Variants in SSBP2 observed in about 807,000 individuals in gnomAD.
The protein encoded by SSBP2 is single stranded DNA binding protein 2, also known as single-stranded DNA-binding protein 2.
A neutral mutation model predicts 61.8 loss-of-function variants in SSBP2; 17 were observed. That is an observed-to-expected ratio of 0.28 (90% CI 0.19 to 0.41). SSBP2 has a LOEUF of 0.41. Among genes scored for constraint, SSBP2 ranks in the 10% least tolerant of loss-of-function variants. SSBP2 has a pLI of 1.00. For missense variants in SSBP2, 310 were observed against 458.7 expected, an observed-to-expected ratio of 0.68 and a Z score of 2.96; for synonymous variants, 139 against 141.3, an observed-to-expected ratio of 0.98 and a Z score of 0.12.
intron 1 of SSBP2, among the ~76,000 whole-genome samples, chr5:81,675,195 G>A (rs13359852): frequency 0.099 from 15,103 of 152,090 alleles, 1,902 homozygotes; most frequent in African/African-American, 0.3. Context: ...TGCAGAAACT[G>A]GAAGTTGCCT....
Position 81,481,631 on chromosome 5 carries a change from A to C in SSBP2, c.433-7069T>G, listed in dbSNP as rs1020946979. Reference sequence around the variant, plus strand: ...GTGAAACTACATCTAAAAAAAAAAAAAAACAAACTGAAAGTAAAATTACTC... The same window carrying C: ...GTGAAACTACATCTAAAAAAAAAAACAAACAAACTGAAAGTAAAATTACTC... On this transcript the variant is annotated intron_variant, in intron 6 of 16. Coordinates refer to ENST00000320672, the MANE Select transcript of SSBP2 (RefSeq NM_012446.5). Among the ~76,000 whole-genome samples the C allele has an allele frequency of 4.0e-5, 6 of 150,240 alleles. No homozygotes were observed. The East Asian group carries it at 5.9e-4, about 15-fold the overall frequency.
upstream of SSBP2, chr5:81,751,371 C>G (rs915008937): frequency 1.9e-5 from 9 of 486,286 alleles, no homozygotes; most frequent in Middle Eastern, 5.6e-4. Context: ...AACCCGGGCG[C>G]AAGGGGGGAA....
chr5:81,736,695 A>G (rs1156376752), intron 1 of SSBP2, among the ~76,000 whole-genome samples: 1 of 152,250 alleles, frequency 6.6e-6, no homozygotes, highest in African/African-American at 2.4e-5. Context: ...AAAGAGTACT[A>G]GTAAGCTAAT....
intron 1 of SSBP2, 62 bp from the exon 2 acceptor site, chr5:81,650,401 G>T: frequency 8.5e-7 from 1 of 1,182,072 alleles, no homozygotes; most frequent in South Asian, 1.6e-5. Flanking sequence ...TTTAAATAAT[G>T]CACATCTTTC....
chr5:81,472,998 G>C (rs1765350500), intron 8 of SSBP2, among the ~76,000 whole-genome samples: 1 of 152,160 alleles, frequency 6.6e-6, no homozygotes, highest in Admixed American at 6.6e-5. Context: ...TCCATACAGT[G>C]TATTTTCTCA....
chr5:81,473,443 G>A (rs540512957), intron 8 of SSBP2, among the ~76,000 whole-genome samples: 70 of 152,136 alleles, frequency 4.6e-4, no homozygotes, highest in Non-Finnish European at 9.0e-4. Flanking sequence ...GGTGTGTGTT[G>A]TTCCCCTCCC....
At chr5:81,686,045 G>A (rs769946835) in intron 1 of SSBP2, among the ~76,000 whole-genome samples, 4 of 152,166 alleles carry the variant, frequency 2.6e-5, no homozygotes, top group Non-Finnish European at 4.4e-5. Context: ...AGTAAGAAAG[G>A]TAGGAATCAA....
intron 9 of SSBP2, among the ~76,000 whole-genome samples, chr5:81,461,583 G>GT (rs1764546848): frequency 7.3e-6 from 1 of 136,608 alleles, no homozygotes; most frequent in Non-Finnish European, 1.6e-5. Context: ...GGTATCTAAA[G>GT]TTGCCTTTTA....
chr5:81,664,814 T>A (rs963870355), intron 1 of SSBP2, among the ~76,000 whole-genome samples: 2 of 152,200 alleles, frequency 1.3e-5, no homozygotes, highest in Non-Finnish European at 2.9e-5. Flanking sequence ...CTCAAAAGCA[T>A]CTTTCCTCCT....
intron 2 of SSBP2, among the ~76,000 whole-genome samples, chr5:81,639,868 A>C (rs1478708109): frequency 6.6e-6 from 1 of 152,198 alleles, no homozygotes; most frequent in Non-Finnish European, 1.5e-5. Flanking sequence ...AGGAACTCAG[A>C]AAGTGGTCCT....
At chr5:81,644,582 C>T (rs965208132) in intron 2 of SSBP2, among the ~76,000 whole-genome samples, 9 of 152,140 alleles carry the variant, frequency 5.9e-5, no homozygotes, top group African/African-American at 1.9e-4. Context: ...AATGTTGGTG[C>T]CTATACTGTA....
chr5:81,493,923 A>G (rs1767094792), intron 5 of SSBP2, among the ~76,000 whole-genome samples: 1 of 152,170 alleles, frequency 6.6e-6, no homozygotes, highest in African/African-American at 2.4e-5. Flanking sequence ...AAACACCCAC[A>G]AAGGCACTGT....
At chr5:81,579,559 A>G (rs774518897) in intron 4 of SSBP2, among the ~76,000 whole-genome samples, 1 of 152,126 alleles carries the variant, frequency 6.6e-6, no homozygotes, top group Non-Finnish European at 1.5e-5. Context: ...CTACCTCAAT[A>G]TGTTTTGAAT....
intron 4 of SSBP2, among the ~76,000 whole-genome samples, chr5:81,527,510 G>C (rs1770037325): frequency 1.3e-5 from 2 of 152,030 alleles, no homozygotes; most frequent in African/African-American, 4.8e-5. Flanking sequence ...AAGTTTGAGG[G>C]AAGGAGTGAA....
At chr5:81,538,463 G>A (rs1770988592) in intron 4 of SSBP2, among the ~76,000 whole-genome samples, 1 of 152,174 alleles carries the variant, frequency 6.6e-6, no homozygotes, top group Non-Finnish European at 1.5e-5. Flanking sequence ...AAGTTATCCA[G>A]AAGATCTAGC....
intron 12 of SSBP2, 73 bp from the exon 13 acceptor site, chr5:81,442,796 A>C: frequency 1.3e-6 from 1 of 795,718 alleles, no homozygotes; most frequent in African/African-American, 1.8e-5. Flanking sequence ...GTAATGATCA[A>C]AGATGGTTTG....
intron 1 of SSBP2, among the ~76,000 whole-genome samples, chr5:81,658,592 AT>A (rs1282449519): frequency 6.6e-6 from 1 of 151,974 alleles, no homozygotes; most frequent in East Asian, 1.9e-4. Flanking sequence ...TTTTCCAAAT[AT>A]TTTTTATCCT....
intron 4 of SSBP2, among the ~76,000 whole-genome samples, chr5:81,590,060 T>G (rs1051483755): frequency 6.6e-6 from 1 of 152,142 alleles, no homozygotes; most frequent in Admixed American, 6.6e-5. Flanking sequence ...AGGACCTATA[T>G]TTTTCTACTT....
At chr5:81,559,289 T>G (rs6866154) in intron 4 of SSBP2, among the ~76,000 whole-genome samples, 1 of 150,476 alleles carries the variant, frequency 6.6e-6, no homozygotes, top group Non-Finnish European at 1.5e-5. Flanking sequence ...CAGGAGGCTG[T>G]GTCAGGAGAA....
Sources: allele counts gnomAD v4.1 joint callset (sites outside exome capture counted in the v4.1 genomes callset), GRCh38; gene constraint gnomAD v4.1.1; transcripts MANE v1.5; gene names NCBI Gene and HGNC (gene_info 2026-07-23, HGNC 2026-07-21).